GRM7: variants seen among roughly 807,000 people sequenced by gnomAD.
GRM7 encodes metabotropic glutamate receptor 7.
In GRM7, 35 loss-of-function variants were observed where a neutral mutation model predicts 84.5. That is an observed-to-expected ratio of 0.41 (90% CI 0.32 to 0.55). The LOEUF (loss-of-function observed/expected upper bound fraction) is 0.55. Among genes scored for constraint, GRM7 ranks in the 20% least tolerant of loss-of-function variants. The probability of loss-of-function intolerance (pLI) is 0.19; values close to 1 mark genes in which losing one functional copy is unlikely to be tolerated. For synonymous variants in GRM7, 487 were observed against 455.1 expected, an observed-to-expected ratio of 1.07 and a Z score of -0.89; for missense variants, 1,003 against 1,194.6, an observed-to-expected ratio of 0.84 and a Z score of 2.36.
At chr3:7,623,897 A>G (rs1697482750) in intron 8 of GRM7, among the ~76,000 whole-genome samples, 1 of 152,170 alleles carries the variant, frequency 6.6e-6, no homozygotes, top group Non-Finnish European at 1.5e-5. Flanking sequence ...CTAGAAGGGC[A>G]ATGTACAAAA....
chr3:7,594,011 G>A (rs1695919392), intron 8 of GRM7, among the ~76,000 whole-genome samples: 1 of 151,996 alleles, frequency 6.6e-6, no homozygotes, highest in South Asian at 2.1e-4. Context: ...TAGCTTTGGG[G>A]AACTCATTTT....
chr3:7,296,790 A>G (rs1044088719), intron 2 of GRM7, among the ~76,000 whole-genome samples: 1 of 150,928 alleles, frequency 6.6e-6, no homozygotes, highest in African/African-American at 2.4e-5. Context: ...ATATATATCA[A>G]TTTTATTTAT....
At chr3:6,923,948 G>A (rs892124142) in intron 1 of GRM7, among the ~76,000 whole-genome samples, 3 of 152,172 alleles carry the variant, frequency 2.0e-5, no homozygotes, top group African/African-American at 4.8e-5. Flanking sequence ...CATGACAATA[G>A]TGTCAGTGGA....
At chr3:7,418,933 T>A (rs189653251) in intron 5 of GRM7, among the ~76,000 whole-genome samples, 1 of 152,294 alleles carries the variant, frequency 6.6e-6, no homozygotes, top group East Asian at 1.9e-4. Context: ...GTGAGAATAG[T>A]AAAACCTTAC....
intron 2 of GRM7, among the ~76,000 whole-genome samples, chr3:7,249,010 A>G (rs1266119421): frequency 1.3e-5 from 2 of 152,192 alleles, no homozygotes; most frequent in Non-Finnish European, 2.9e-5. Flanking sequence ...ATAGATATGA[A>G]CATGGATATA....
chr3:7,643,681 CAG>C (rs59885475), intron 8 of GRM7, among the ~76,000 whole-genome samples: 1,756 of 152,184 alleles, frequency 0.012, 34 homozygotes, highest in African/African-American at 0.039. Context: ...TGGCAGGGGT[CAG>C]AGACAATGTC....
chr3:6,886,095 T>TTTTG (rs1553581178), intron 1 of GRM7, among the ~76,000 whole-genome samples: 5 of 151,022 alleles, frequency 3.3e-5, no homozygotes, highest in Admixed American at 6.6e-5. Context: ...ATAGTTACCA[T>TTTTG]TGTGTGTGTG....
At chr3:7,517,536 G>A (rs908079563) in intron 7 of GRM7, among the ~76,000 whole-genome samples, 1 of 152,072 alleles carries the variant, frequency 6.6e-6, no homozygotes, top group Non-Finnish European at 1.5e-5. Flanking sequence ...GGGATTACAG[G>A]CACCTGCCAC....
intron 8 of GRM7, among the ~76,000 whole-genome samples, chr3:7,640,992 A>C (rs1698341208): frequency 6.6e-6 from 1 of 152,176 alleles, no homozygotes; most frequent in Non-Finnish European, 1.5e-5. Context: ...TAAAGAGTAA[A>C]GTTTTAGAGC....
At chr3:7,173,365 C>T (rs899058270) in intron 2 of GRM7, among the ~76,000 whole-genome samples, 7 of 152,212 alleles carry the variant, frequency 4.6e-5, no homozygotes, top group Admixed American at 3.9e-4. Context: ...AAAAAACTTA[C>T]CAACTGCTCT....
intron 1 of GRM7, among the ~76,000 whole-genome samples, chr3:7,061,656 A>G (rs1697437184): frequency 6.6e-6 from 1 of 151,744 alleles, no homozygotes; most frequent in Non-Finnish European, 1.5e-5. Flanking sequence ...AAGGAGAAAT[A>G]GTAACACTTG....
intron 1 of GRM7, among the ~76,000 whole-genome samples, chr3:6,995,503 T>A (rs1479936393): frequency 6.6e-6 from 1 of 152,230 alleles, no homozygotes; most frequent in Non-Finnish European, 1.5e-5. Flanking sequence ...TAACTACTAT[T>A]ACACTTTACA....
chr3:7,008,511 G>A (rs767394152), intron 1 of GRM7, among the ~76,000 whole-genome samples: 1 of 152,160 alleles, frequency 6.6e-6, no homozygotes, highest in Non-Finnish European at 1.5e-5. Context: ...GAAAGTTGCT[G>A]AGTGAGAAAC....
chr3:7,264,561 C>G (rs1415500663), intron 2 of GRM7, among the ~76,000 whole-genome samples: 1 of 152,168 alleles, frequency 6.6e-6, no homozygotes, highest in East Asian at 1.9e-4. Flanking sequence ...GCAGGAGTTG[C>G]CAGCTTCTTC....
intron 1 of GRM7, among the ~76,000 whole-genome samples, chr3:6,908,506 A>G (rs373969350): frequency 8.8e-4 from 134 of 152,208 alleles, no homozygotes; most frequent in African/African-American, 2.9e-3. Flanking sequence ...AGGCTACATG[A>G]CTCAGTCAAG....
chr3:7,259,416 TC>T (rs1216158584), intron 2 of GRM7, among the ~76,000 whole-genome samples: 1 of 152,212 alleles, frequency 6.6e-6, no homozygotes, highest in East Asian at 1.9e-4. Flanking sequence ...TTATTTTTTT[TC>T]TGATTCTTTT....
chr3:7,380,075 T>C (rs1249240448), intron 4 of GRM7, among the ~76,000 whole-genome samples: 6 of 152,152 alleles, frequency 3.9e-5, no homozygotes, highest in Non-Finnish European at 1.5e-5. Flanking sequence ...ACTGGAACAA[T>C]AGGCAGTTGT....
At chr3:7,402,622 C>T (rs944515008) in intron 4 of GRM7, among the ~76,000 whole-genome samples, 11 of 152,006 alleles carry the variant, frequency 7.2e-5, no homozygotes, top group Admixed American at 4.6e-4. Flanking sequence ...CTTCTCAAAC[C>T]TGAAAATACC....
At chr3:7,186,201 T>A (rs1695507635) in intron 2 of GRM7, among the ~76,000 whole-genome samples, 1 of 152,240 alleles carries the variant, frequency 6.6e-6, no homozygotes, top group South Asian at 2.1e-4. Flanking sequence ...AGCAGTGCAA[T>A]GAACTAAGTA....
Sources: gnomAD v4.1 joint callset for allele counts (sites outside exome capture counted in the v4.1 genomes callset) on GRCh38, gnomAD v4.1.1 for gene constraint, MANE v1.5 for transcripts, NCBI Gene and HGNC (gene_info 2026-07-23, HGNC 2026-07-21) for gene names.